Variants in MARCHF1 observed in about 807,000 individuals in gnomAD.
MARCHF1 encodes the protein membrane associated ring-CH-type finger 1.
A neutral mutation model predicts 54.2 loss-of-function variants in MARCHF1; 40 were observed. The ratio of observed to expected loss-of-function variants is 0.74; its 90% CI spans 0.57 to 0.96. The LOEUF (loss-of-function observed/expected upper bound fraction) is 0.96. Ranked by LOEUF, MARCHF1 falls within the 40% of genes least tolerant of loss-of-function variation. The pLI, the probability that MARCHF1 is intolerant of heterozygous loss-of-function variation, is 0.00. For missense variants in MARCHF1, 586 were observed against 656.5 expected (o/e 0.89, Z 1.17); for synonymous variants, 236 against 236.3 (o/e 1.00, Z 0.01).
intron 5 of MARCHF1, among the ~76,000 whole-genome samples, chr4:163,622,442 G>GAAA (rs113206751): frequency 5.4e-5 from 8 of 146,884 alleles, no homozygotes; most frequent in East Asian, 2.0e-4. Context: ...CAGATCTTTT[G>GAAA]AAAAAAAAAA....
At position 163,548,938 on chromosome 4, in the gene MARCHF1, A is replaced by G. The variant is rs191233508; in HGVS notation, c.1192-3195T>C. Among the ~76,000 whole-genome samples, 6 of 152,358 alleles carry G rather than the reference A, an allele frequency of 3.9e-5. No homozygotes were observed. In the East Asian group the frequency reaches 9.6e-4, roughly 24 times the overall value. ...GTGGCAGTTCACAAAAGATTTCGTG[A>G]TAGGCAAGTGATAATCTGTGAAACT... On this transcript the variant is annotated intron_variant, in intron 8 of 9. Transcript: ENST00000514618.
intron 4 of MARCHF1, among the ~76,000 whole-genome samples, chr4:163,771,852 G>A (rs1427958825): frequency 2.0e-5 from 3 of 152,234 alleles, no homozygotes; most frequent in Admixed American, 6.5e-5. Context: ...TGAGAAACAC[G>A]AAACAAAGTA....
At chr4:164,045,192 T>C (rs964075700) in intron 2 of MARCHF1, among the ~76,000 whole-genome samples, 2 of 152,006 alleles carry the variant, frequency 1.3e-5, no homozygotes, top group Non-Finnish European at 2.9e-5. Flanking sequence ...ACTTTCTAAA[T>C]GAGTATAAAT....
intron 2 of MARCHF1, among the ~76,000 whole-genome samples, chr4:164,080,153 A>G (rs1219209472): frequency 1.3e-5 from 2 of 152,336 alleles, no homozygotes; most frequent in African/African-American, 4.8e-5. Flanking sequence ...TGAATAAGTC[A>G]TATGTAGAAC....
intron 3 of MARCHF1, among the ~76,000 whole-genome samples, chr4:163,893,142 A>G (rs529178347): frequency 1.3e-5 from 2 of 150,038 alleles, no homozygotes; most frequent in Non-Finnish European, 1.5e-5. Context: ...ACATACTTTA[A>G]AAAAAATTTT....
chr4:164,133,896 G>C (rs1290131505), intron 1 of MARCHF1, among the ~76,000 whole-genome samples: 3 of 152,028 alleles, frequency 2.0e-5, no homozygotes, highest in African/African-American at 7.2e-5. Context: ...ACTTAATTCT[G>C]TCTCATTTTC....
intron 3 of MARCHF1, among the ~76,000 whole-genome samples, chr4:163,958,476 CTT>C (rs997164789): frequency 1.3e-5 from 2 of 151,794 alleles, no homozygotes; most frequent in Non-Finnish European, 2.9e-5. Context: ...TAAATGAATA[CTT>C]TTTTTGTTAC....
chr4:163,878,391 A>G (rs1014897052), intron 3 of MARCHF1, among the ~76,000 whole-genome samples: 10 of 152,212 alleles, frequency 6.6e-5, no homozygotes, highest in African/African-American at 2.4e-4. Flanking sequence ...CAGCTAGTCC[A>G]TCAAAGAGGT....
intron 4 of MARCHF1, among the ~76,000 whole-genome samples, chr4:163,739,671 C>T (rs1285729449): frequency 6.6e-6 from 1 of 152,104 alleles, no homozygotes; most frequent in African/African-American, 2.4e-5. Context: ...AGAATAAATT[C>T]TGAGGAGGAA....
At chr4:163,544,958 C>T (rs1473078677) in intron 9 of MARCHF1, among the ~76,000 whole-genome samples, 1 of 152,186 alleles carries the variant, frequency 6.6e-6, no homozygotes, top group Non-Finnish European at 1.5e-5. Context: ...TCCTTTCACA[C>T]ATGAAAATAA....
chr4:163,932,506 CT>C (rs1751699372), intron 3 of MARCHF1: 1 of 360,806 alleles, frequency 2.8e-6, no homozygotes, highest in Non-Finnish European at 5.5e-6. Context: ...CAACAAACTA[CT>C]TTCACCCTGA....
At chr4:164,186,148 C>T (rs1730965190) in intron 1 of MARCHF1, among the ~76,000 whole-genome samples, 1 of 152,176 alleles carries the variant, frequency 6.6e-6, no homozygotes, top group Non-Finnish European at 1.5e-5. Flanking sequence ...CCGCCTCAGC[C>T]TCCCAAAGTG....
rs1738725325 is a variant in MARCHF1, at chr4:163,541,617, A to T, written c.1339+3979T>A. The stretch of plus-strand genomic sequence containing the variant: ...TAAAAGAACAACCATTTACAGACAT[A>T]TGAGGAATTTTTTTTCTCTCCAGGA... On this transcript the variant is annotated intron_variant, in intron 9 of 9. Transcript: ENST00000514618. 2.0e-5 allele frequency among the ~76,000 whole-genome samples: 3 copies of T among 152,160 alleles called. No homozygotes were observed. The South Asian group carries it at 6.2e-4, about 32-fold the overall frequency.
At chr4:164,302,191 T>C (rs1255277348) in intron 1 of MARCHF1, among the ~76,000 whole-genome samples, 2 of 152,164 alleles carry the variant, frequency 1.3e-5, no homozygotes, top group Non-Finnish European at 2.9e-5. Flanking sequence ...CACTGCAGAA[T>C]AGAAAACTCC....
At chr4:163,795,641 C>A (rs1021837027) in intron 4 of MARCHF1, among the ~76,000 whole-genome samples, 2 of 152,196 alleles carry the variant, frequency 1.3e-5, no homozygotes, top group East Asian at 3.8e-4. Context: ...CATTTCCCGG[C>A]AGAAATGTTT....
intron 1 of MARCHF1, among the ~76,000 whole-genome samples, chr4:164,214,767 G>A (rs1275347764): frequency 6.6e-6 from 1 of 152,010 alleles, no homozygotes; most frequent in African/African-American, 2.4e-5. Flanking sequence ...TATAATGTGG[G>A]GCACATATTT....
intron 3 of MARCHF1, among the ~76,000 whole-genome samples, chr4:163,943,688 T>G (rs1200510538): frequency 1.4e-5 from 2 of 146,330 alleles, no homozygotes; most frequent in Non-Finnish European, 1.5e-5. Flanking sequence ...CAAACCCCCA[T>G]GAGAGAAGTT....
At position 164,311,983 on chromosome 4, in the gene MARCHF1, C is replaced by T. The variant is rs140323293; in HGVS notation, c.-323+71887G>A. On this transcript the variant is annotated intron_variant, in intron 1 of 9. Coordinates refer to ENST00000514618, the MANE Select transcript of MARCHF1 (RefSeq NM_001394959.1). ...TTGCTTCCCTTTGATCCCCAAGTTT[C>T]AAAGAAGACCCATAATCACCACATA... 4.2e-3 allele frequency among the ~76,000 whole-genome samples: 640 copies of T among 152,222 alleles called. 1 individual carries two copies. Among genetic ancestry groups the T allele is most frequent in the Non-Finnish European group, 7.0e-3 (479 of 68,004 alleles).
At chr4:163,861,279 G>T (rs1329408266) in intron 3 of MARCHF1, among the ~76,000 whole-genome samples, 2 of 152,028 alleles carry the variant, frequency 1.3e-5, no homozygotes, top group East Asian at 1.9e-4. Context: ...AAAGAATGGA[G>T]AAAAGAAAAC....
Sources: allele counts gnomAD v4.1 joint callset (sites outside exome capture counted in the v4.1 genomes callset), GRCh38; gene constraint gnomAD v4.1.1; transcripts MANE v1.5; gene names NCBI Gene and HGNC (gene_info 2026-07-23, HGNC 2026-07-21).